MS4A4E: variants seen among roughly 807,000 people sequenced by gnomAD.
The protein encoded by MS4A4E is membrane spanning 4-domains A4E.
In MS4A4E, 23 loss-of-function variants were observed where a neutral mutation model predicts 13.3. That is an observed-to-expected ratio of 1.73 (90% CI 1.25 to 2.45). The LOEUF is 2.45. Ranked by LOEUF, MS4A4E falls within the 30% of genes most tolerant of loss-of-function variation. MS4A4E has a pLI of 0.00. For missense variants in MS4A4E, 144 were observed against 131.2 expected, an observed-to-expected ratio of 1.10 and a Z score of -0.48; for synonymous variants, 36 against 45.6, an observed-to-expected ratio of 0.79 and a Z score of 0.85.
At chr11:60,221,661 T>C (rs975191200) in intron 3 of MS4A4E, among the ~76,000 whole-genome samples, 1 of 152,190 alleles carries the variant, frequency 6.6e-6, no homozygotes, top group African/African-American at 2.4e-5. Context: ...TGGCCAGATC[T>C]GCAATTATAT....
At chr11:60,223,078 G>C (rs2084292968) in intron 3 of MS4A4E, among the ~76,000 whole-genome samples, 1 of 152,136 alleles carries the variant, frequency 6.6e-6, no homozygotes, top group African/African-American at 2.4e-5. Flanking sequence ...CTGCTGAGGT[G>C]CTTCCTGAAG....
chr11:60,241,730 T>C (rs2084554504), intron 1 of MS4A4E, among the ~76,000 whole-genome samples: 2 of 152,194 alleles, frequency 1.3e-5, no homozygotes, highest in South Asian at 4.1e-4. Flanking sequence ...AATCAAAATA[T>C]ATATTTTTTA....
rs1266756140 is a variant in MS4A4E at position 60,200,410 on chromosome 11, T to C, written c.*1133A>G. On this transcript the variant is annotated 3_prime_UTR_variant, in exon 9 of 9. Coordinates refer to ENST00000651255, the MANE Select transcript of MS4A4E (RefSeq NM_001393391.1). Reference sequence around the variant, plus strand: ...AGATAAACAAGTGAACAAAGGTCTCTGGTTTTCCTAGGCAGAGGACCCTGC... The same window carrying C: ...AGATAAACAAGTGAACAAAGGTCTCCGGTTTTCCTAGGCAGAGGACCCTGC... 6.6e-6 allele frequency among the ~76,000 whole-genome samples: 1 copy of C among 152,040 alleles called. No homozygotes were observed.
At chr11:60,207,296 C>T (rs2084060502) in intron 6 of MS4A4E, among the ~76,000 whole-genome samples, 1 of 152,128 alleles carries the variant, frequency 6.6e-6, no homozygotes, top group Non-Finnish European at 1.5e-5. Flanking sequence ...TTTCTGGACT[C>T]AAACCAGGGG....
intron 7 of MS4A4E, among the ~76,000 whole-genome samples, 152 bp from the exon 8 acceptor site, chr11:60,205,110 C>G (rs1006298926): frequency 2.0e-5 from 3 of 152,016 alleles, no homozygotes; most frequent in Non-Finnish European, 4.4e-5. Context: ...AATGTCCATG[C>G]AAATTCAATA....
chr11:60,223,995 G>A lies in MS4A4E; in HGVS notation c.178+4599C>T, dbSNP rs117863091. 5.1e-3 allele frequency among the ~76,000 whole-genome samples: 775 copies of A among 152,170 alleles called. 3 individuals are homozygous for A. Among genetic ancestry groups the A allele is most frequent in the Non-Finnish European group, 8.6e-3 (585 of 67,992 alleles). ...TCACTTCCGCTGTACACGAGTGAAG[G>A]GGAGCAAAAATTAAGCTCTATTATA... On this transcript the variant is annotated intron_variant, in intron 3 of 8. Coordinates refer to ENST00000651255, the MANE Select transcript of MS4A4E (RefSeq NM_001393391.1).
At chr11:60,226,032 G>C (rs1291749958) in intron 3 of MS4A4E, among the ~76,000 whole-genome samples, 1 of 151,756 alleles carries the variant, frequency 6.6e-6, no homozygotes, top group African/African-American at 2.4e-5. Flanking sequence ...ACAATTCTGT[G>C]CCCACAATTT....
intron 3 of MS4A4E, among the ~76,000 whole-genome samples, chr11:60,227,863 A>T (rs779330998): frequency 1.3e-5 from 2 of 152,126 alleles, no homozygotes; most frequent in Non-Finnish European, 2.9e-5. Context: ...CTTTCCAAAA[A>T]AAAAATACTA....
At chr11:60,214,499 GT>G in intron 4 of MS4A4E, 71 bp downstream of exon 4, 1 of 1,136,526 alleles carries the variant, frequency 8.8e-7, no homozygotes, top group Non-Finnish European at 1.2e-6. Flanking sequence ...AACAAAACCT[GT>G]TTTATACCCT....
intron 5 of MS4A4E, among the ~76,000 whole-genome samples, chr11:60,212,522 G>C (rs1190111746): frequency 6.6e-6 from 1 of 152,048 alleles, no homozygotes; most frequent in Non-Finnish European, 1.5e-5. Context: ...TGTTAGCCAG[G>C]ATGGTCTCGA....
chr11:60,210,911 C>G (rs568452021), intron 5 of MS4A4E, among the ~76,000 whole-genome samples: 31 of 152,346 alleles, frequency 2.0e-4, no homozygotes, highest in Non-Finnish European at 3.4e-4. Context: ...AATGCAGAAC[C>G]AGCTACGTAA....
At chr11:60,209,861 A>C (rs1196147503) in intron 5 of MS4A4E, among the ~76,000 whole-genome samples, 3 of 152,262 alleles carry the variant, frequency 2.0e-5, no homozygotes, top group Non-Finnish European at 4.4e-5. Flanking sequence ...TGAGTGAGGC[A>C]GACTTAAGGA....
chr11:60,203,774 A>T (rs998003341), intron 8 of MS4A4E, among the ~76,000 whole-genome samples: 1 of 152,278 alleles, frequency 6.6e-6, no homozygotes, highest in East Asian at 1.9e-4. Flanking sequence ...AAATAAAAAG[A>T]ATAACTATTT....
At chr11:60,226,294 A>G (rs535826178) in intron 3 of MS4A4E, among the ~76,000 whole-genome samples, 8 of 152,146 alleles carry the variant, frequency 5.3e-5, no homozygotes, top group African/African-American at 1.9e-4. Flanking sequence ...TGGAGCTAGC[A>G]CTATTATCTA....
chr11:60,222,689 G>T lies in MS4A4E; in HGVS notation c.178+5905C>A, dbSNP rs2084284888. 2.0e-5 allele frequency among the ~76,000 whole-genome samples: 3 copies of T among 152,206 alleles called. No homozygotes were observed. In the South Asian group the frequency reaches 6.2e-4, roughly 32 times the overall value. On this transcript the variant is annotated intron_variant, in intron 3 of 8. Coordinates refer to ENST00000651255, the MANE Select transcript of MS4A4E (RefSeq NM_001393391.1). ...AACACTATGTTCTGCTGGCCTAGAG[G>T]TCTTAGTTCCAGAGGAAGGAACGTT...
intron 7 of MS4A4E, among the ~76,000 whole-genome samples, 77 bp downstream of exon 7, chr11:60,205,637 A>G (rs2084029595): frequency 6.6e-6 from 1 of 152,220 alleles, no homozygotes; most frequent in East Asian, 1.9e-4. Context: ...TCATAGCTAC[A>G]TAGGTAGTAA....
At chr11:60,220,721 G>C (rs2084259597) in intron 3 of MS4A4E, among the ~76,000 whole-genome samples, 1 of 152,168 alleles carries the variant, frequency 6.6e-6, no homozygotes, top group Non-Finnish European at 1.5e-5. Flanking sequence ...CAGTGGTGTG[G>C]GGCCTGTCAA....
At chr11:60,234,823 A>G (rs1590729272) in intron 1 of MS4A4E, among the ~76,000 whole-genome samples, 1 of 146,276 alleles carries the variant, frequency 6.8e-6, no homozygotes, top group East Asian at 2.2e-4. Context: ...CTACTTACCT[A>G]TTAATAATAA....
intron 3 of MS4A4E, among the ~76,000 whole-genome samples, chr11:60,221,148 C>A (rs1318929470): frequency 6.6e-6 from 1 of 152,158 alleles, no homozygotes; most frequent in Non-Finnish European, 1.5e-5. Flanking sequence ...AGAGCTCTTG[C>A]CCTGTTACTG....
Sources: allele counts gnomAD v4.1 joint callset (sites outside exome capture counted in the v4.1 genomes callset), GRCh38; gene constraint gnomAD v4.1.1; transcripts MANE v1.5; gene names NCBI Gene and HGNC (gene_info 2026-07-23, HGNC 2026-07-21).